MCMBP: variants seen among roughly 807,000 people sequenced by gnomAD.
MCMBP encodes the protein minichromosome maintenance complex binding protein.
Under a neutral mutation model 81.3 loss-of-function variants are expected in MCMBP, and 31 were observed. The ratio of observed to expected loss-of-function variants is 0.38; its 90% CI spans 0.29 to 0.51. The LOEUF is 0.51. Ranked by LOEUF, MCMBP falls within the 20% of genes least tolerant of loss-of-function variation. The probability of loss-of-function intolerance (pLI) is 0.87; values close to 1 mark genes in which losing one functional copy is unlikely to be tolerated. For synonymous variants in MCMBP, 267 were observed against 275.9 expected, an observed-to-expected ratio of 0.97 and a Z score of 0.32; for missense variants, 645 against 772.1, an observed-to-expected ratio of 0.84 and a Z score of 1.95.
At chr10:119,851,629 C>T (rs558329237) in intron 6 of MCMBP, among the ~76,000 whole-genome samples, 3 of 151,982 alleles carry the variant, frequency 2.0e-5, no homozygotes, top group Non-Finnish European at 4.4e-5. Flanking sequence ...GATGGGGTTT[C>T]GCCATGCTGT....
Position 119,872,210 on chromosome 10 carries a change from T to C in MCMBP, c.58+317A>G, listed in dbSNP as rs1018658419. Reference sequence around the variant, plus strand: ...TTTGCTGCGCCCGGGGCCGGGGCCCTGGCCCTGCCACAGGCTGGGAGCGAG... The same window carrying C: ...TTTGCTGCGCCCGGGGCCGGGGCCCCGGCCCTGCCACAGGCTGGGAGCGAG... On this transcript the variant is annotated intron_variant, in intron 1 of 15. Coordinates refer to ENST00000369077, the MANE Select transcript of MCMBP (RefSeq NM_001256378.2). 6.7e-5 allele frequency among the ~76,000 whole-genome samples: 10 copies of C among 150,326 alleles called. 1 individual carries two copies. The East Asian group carries it at 2.0e-3, about 30-fold the overall frequency.
At position 119,849,553 on chromosome 10, in the gene MCMBP, A is replaced by G. The variant is rs200239094; in HGVS notation, c.598T>C (p.Cys200Arg). ...QAGSVGGLQWCGEPKRLETEA... is the reference protein window; with the variant it reads ...QAGSVGGLQWRGEPKRLETEA... ...GTTTCTAAACGTTTTGGCTCTCCACACCATTGAAGACCACCAACACTCCCT... is the reference window on the plus strand; with the variant it reads ...GTTTCTAAACGTTTTGGCTCTCCACGCCATTGAAGACCACCAACACTCCCT... The change falls in exon 7 of 16, where the codon TGT (cysteine) becomes CGT (arginine). Residue 200 changes from cysteine (C) to arginine (R), a missense_variant. Coordinates refer to ENST00000369077, the MANE Select transcript of MCMBP (RefSeq NM_001256378.2). The G allele has an allele frequency of 1.1e-5, 17 of 1,595,324 alleles. No individual in the cohort carries two copies. The African/African-American group carries it at 1.9e-4, about 18-fold the overall frequency.
At chr10:119,837,468 C>T (rs1463114579) in intron 12 of MCMBP, among the ~76,000 whole-genome samples, 1 of 152,162 alleles carries the variant, frequency 6.6e-6, no homozygotes, top group East Asian at 1.9e-4. Context: ...TGATCGCCAG[C>T]AGTGTATTCT....
intron 1 of MCMBP, among the ~76,000 whole-genome samples, chr10:119,863,629 T>C (rs1853340179): frequency 7.0e-6 from 1 of 142,662 alleles, no homozygotes; most frequent in African/African-American, 2.6e-5. Context: ...CTCGGGAGGG[T>C]GAGACAGGAG....
Position 119,832,003 on chromosome 10 carries a change from G to A in MCMBP, c.1796+9C>T, listed in dbSNP as rs372285650. ...ACCGAAACAGCAATAATGGACGTGCGCCACTTACCGAGCCACCACGAGCAG... is the reference window on the plus strand; with the variant it reads ...ACCGAAACAGCAATAATGGACGTGCACCACTTACCGAGCCACCACGAGCAG... On this transcript the variant is annotated intron_variant, in intron 15 of 15. Coordinates refer to ENST00000369077, the MANE Select transcript of MCMBP (RefSeq NM_001256378.2). 1.5e-5 allele frequency: 24 copies of A among 1,605,658 alleles called. No homozygotes were observed. Among genetic ancestry groups the A allele is most frequent in the East Asian group, 4.5e-5 (2 of 44,656 alleles).
In MCMBP at chr10:119,867,727, T is replaced by C. The variant is rs576553175; in HGVS notation, c.58+4800A>G. Among the ~76,000 whole-genome samples the C allele has an allele frequency of 2.0e-5, 3 of 152,324 alleles. No homozygotes were observed. In the South Asian group the frequency reaches 6.2e-4, roughly 32 times the overall value. On this transcript the variant is annotated intron_variant, in intron 1 of 15. Coordinates refer to ENST00000369077, the MANE Select transcript of MCMBP (RefSeq NM_001256378.2). Reference sequence around the variant, plus strand: ...CCCAAGAGAAGAAATACTGAGTTGCTTGGATTCCTGCTAGCTTTCCAGTTC... The same window carrying C: ...CCCAAGAGAAGAAATACTGAGTTGCCTGGATTCCTGCTAGCTTTCCAGTTC...
intron 5 of MCMBP, among the ~76,000 whole-genome samples, chr10:119,853,930 T>C (rs1284068845): frequency 3.3e-5 from 5 of 152,148 alleles, no homozygotes; most frequent in Non-Finnish European, 7.4e-5. Context: ...GTGGATGCAG[T>C]GGCTAACATC....
rs1215052981 is a variant in MCMBP, at chr10:119,842,460, T to C, written c.1124+12A>G. ...CAAACTCCCCTAATTCCCACCAGGATACAGCACTTACACTGTGGAGATGAG... is the reference window on the plus strand; with the variant it reads ...CAAACTCCCCTAATTCCCACCAGGACACAGCACTTACACTGTGGAGATGAG... On this transcript the variant is annotated intron_variant, in intron 10 of 15. Transcript: ENST00000369077. The C allele has an allele frequency of 3.1e-6, 5 of 1,607,648 alleles. No individual in the cohort carries two copies. Among genetic ancestry groups the C allele is most frequent in the East Asian group, 4.5e-5 (2 of 44,816 alleles).
rs548390311 is a variant in MCMBP, at chr10:119,855,373, T to G, written c.429+1965A>C. Among the ~76,000 whole-genome samples, 11 of 152,332 alleles carry G rather than the reference T, an allele frequency of 7.2e-5. No homozygotes were observed. In the South Asian group the frequency reaches 1.4e-3, roughly 20 times the overall value. ...AAATCAATAATCTGAGCATCTACTT[T>G]AAAAAGCTAGAAAAAGGGCCAGGCG... On this transcript the variant is annotated intron_variant, in intron 5 of 15. Coordinates refer to ENST00000369077, the MANE Select transcript of MCMBP (RefSeq NM_001256378.2).
At chr10:119,857,877 C>G (rs12782366) in intron 4 of MCMBP, 8,292 of 152,480 alleles carry the variant, frequency 0.054, 414 homozygotes, top group South Asian at 0.26. Flanking sequence ...GTAGGCAGAT[C>G]TGGACAGAAA....
intron 15 of MCMBP, 53 bp from the exon 16 acceptor site, chr10:119,831,653 T>A (rs990166538): frequency 1.2e-5 from 19 of 1,590,366 alleles, no homozygotes; most frequent in African/African-American, 4.1e-5. Context: ...TAGTAAGTTT[T>A]AAATTTTTTT....
At chr10:119,837,159 T>C in intron 12 of MCMBP, 130 bp from the exon 13 acceptor site, 2 of 916,324 alleles carry the variant, frequency 2.2e-6, no homozygotes, top group Non-Finnish European at 3.2e-6. Context: ...CTGTCCAGTT[T>C]ACTAAGCTAA....
chr10:119,857,408 C>A lies in MCMBP; in HGVS notation c.359G>T (p.Arg120Leu), dbSNP rs934808475. Residue 120 changes from arginine to leucine, a missense_variant, in exon 5 of 16, where the codon CGA (arginine) becomes CTA (leucine). Physicochemically the swap from Arg to Leu is moderately radical, Grantham distance 102 (BLOSUM62 -2). Transcript: ENST00000369077. ...PQQELDLNSP[R>L]NTTLERQTFY... ...AGTCTGTCTTTCCAAAGTGGTATTT[C>A]GTGGAGAGTTTAAATCAAGTTCTTG... 38 of 1,610,538 alleles carry A rather than the reference C, an allele frequency of 2.4e-5. No homozygotes were observed. The highest frequency in any genetic ancestry group is 3.1e-5 in the Non-Finnish European group (36 of 1,177,578).
intron 1 of MCMBP, among the ~76,000 whole-genome samples, chr10:119,865,066 G>A (rs892057447): frequency 2.0e-5 from 3 of 152,186 alleles, no homozygotes; most frequent in Non-Finnish European, 2.9e-5. Flanking sequence ...GTGTTGTTCA[G>A]TATTCTTTTT....
intron 11 of MCMBP, among the ~76,000 whole-genome samples, chr10:119,839,917 T>G (rs904282525): frequency 6.6e-6 from 1 of 152,186 alleles, no homozygotes; most frequent in Non-Finnish European, 1.5e-5. Flanking sequence ...GAGACTACAA[T>G]AGACTGAAGG....
intron 1 of MCMBP, among the ~76,000 whole-genome samples, chr10:119,868,749 CTAACT>C (rs1307781685): frequency 3.9e-5 from 6 of 152,194 alleles, no homozygotes; most frequent in Admixed American, 1.3e-4. Context: ...ACTTTGGTAC[CTAACT>C]TAAGTTCCCA....
chr10:119,833,515 A>G (rs1165962525), intron 14 of MCMBP, among the ~76,000 whole-genome samples: 1 of 152,016 alleles, frequency 6.6e-6, no homozygotes, highest in African/African-American at 2.4e-5. Flanking sequence ...AAGAAAAAAC[A>G]AAAAAACAAA....
At position 119,852,021 on chromosome 10, in the gene MCMBP, G is replaced by A. The variant is rs745845241; in HGVS notation, c.574+1029C>T. ...TACAAAATTAGCCAGGCGTGGTGGCGCATGCCTGTAATTCCAGCTACTCAG... is the reference window on the plus strand; with the variant it reads ...TACAAAATTAGCCAGGCGTGGTGGCACATGCCTGTAATTCCAGCTACTCAG... On this transcript the variant is annotated intron_variant, in intron 6 of 15. Coordinates refer to ENST00000369077, the MANE Select transcript of MCMBP (RefSeq NM_001256378.2). Among the ~76,000 whole-genome samples, 23 of 151,112 alleles carry A rather than the reference G, an allele frequency of 1.5e-4. No homozygotes were observed. In the East Asian group the frequency reaches 3.2e-3, roughly 21 times the overall value.
chr10:119,832,250 ATGC>A (rs1852075406), intron 14 of MCMBP, 150 bp from the exon 15 acceptor site: 1 of 519,854 alleles, frequency 1.9e-6, no homozygotes, highest in Non-Finnish European at 3.3e-6. Context: ...TACATACATA[ATGC>A]TGCTGATGAA....
Sources: allele counts gnomAD v4.1 joint callset (sites outside exome capture counted in the v4.1 genomes callset), GRCh38; gene constraint gnomAD v4.1.1; transcripts MANE v1.5; gene names NCBI Gene and HGNC (gene_info 2026-07-23, HGNC 2026-07-21).